Variants in GTF2F2 observed in about 807,000 individuals in gnomAD.
GTF2F2 encodes ATP-dependent helicase GTF2F2.
In GTF2F2, 23 loss-of-function variants were observed where a neutral mutation model predicts 42.2. The observed-to-expected ratio is 0.55, with a 90% CI of 0.39 to 0.77. The LOEUF (loss-of-function observed/expected upper bound fraction) is 0.77, where lower values mean the gene tolerates loss of function less well. GTF2F2 is among the 30% of genes least tolerant of loss of function. GTF2F2 has a pLI of 0.00. For synonymous variants in GTF2F2, 105 were observed against 100.8 expected (o/e 1.04, Z -0.25); for missense variants, 261 against 287.2 (o/e 0.91, Z 0.66).
At chr13:45,224,428 G>A (rs2138208631) in intron 5 of GTF2F2, among the ~76,000 whole-genome samples, 1 of 152,320 alleles carries the variant, frequency 6.6e-6, no homozygotes, top group South Asian at 2.1e-4. Flanking sequence ...TGAGTCAAGT[G>A]GTCAGAGCTG....
intron 4 of GTF2F2, among the ~76,000 whole-genome samples, chr13:45,185,524 C>G (rs1028005218): frequency 6.6e-6 from 1 of 152,192 alleles, no homozygotes; most frequent in African/African-American, 2.4e-5. Flanking sequence ...TTTTATAAAT[C>G]TATCACCCAC....
chr13:45,131,605 G>A (rs988770724), intron 1 of GTF2F2, among the ~76,000 whole-genome samples: 2 of 151,770 alleles, frequency 1.3e-5, no homozygotes, highest in African/African-American at 4.8e-5. Context: ...AAGGAGTTTT[G>A]CCATAAAGAG....
chr13:45,214,279 T>C (rs898049327), intron 5 of GTF2F2, among the ~76,000 whole-genome samples: 1 of 152,206 alleles, frequency 6.6e-6, no homozygotes, highest in Admixed American at 6.5e-5. Context: ...AAATGTAAGT[T>C]AGTAAGATTC....
intron 6 of GTF2F2, among the ~76,000 whole-genome samples, chr13:45,264,808 G>A (rs529297334): frequency 4.6e-5 from 7 of 152,224 alleles, no homozygotes; most frequent in East Asian, 1.9e-4. Flanking sequence ...TAGAATGTGC[G>A]CCCTCTGTAA....
intron 1 of GTF2F2, 67 bp downstream of exon 1, chr13:45,120,788 A>G (rs1020981299): frequency 3.4e-6 from 4 of 1,192,734 alleles, no homozygotes; most frequent in Non-Finnish European, 3.6e-6. Flanking sequence ...ACTTGAGCCT[A>G]TCCCGCTCCG....
Position 45,212,471 on chromosome 13 carries a change from C to CT in GTF2F2, c.386+4969dup, listed in dbSNP as rs374232843. Among the ~76,000 whole-genome samples the CT allele has an allele frequency of 1.5e-3, 116 of 75,060 alleles. 2 individuals carry two copies. The highest frequency in any genetic ancestry group is 6.4e-3 in the Middle Eastern group (1 of 156). The allele number at this position is 75,060 out of a possible 152,430, so 49.2% of individuals were successfully genotyped here. A position where few individuals can be genotyped will look rare whatever the true frequency, so the allele number is the denominator to read the frequency against. On this transcript the variant is annotated intron_variant, in intron 5 of 7. Coordinates refer to ENST00000340473, the MANE Select transcript of GTF2F2 (RefSeq NM_004128.3). ...TGTTTCTTTCTTTCTTTCTTTCTTT[C>CT]TTTCTTTCTTTCTTTCTTTCTTTCT...
chr13:45,145,044 A>G (rs1735459522), intron 2 of GTF2F2, among the ~76,000 whole-genome samples: 1 of 152,226 alleles, frequency 6.6e-6, no homozygotes, highest in African/African-American at 2.4e-5. Context: ...CGATGATGCC[A>G]TTATCTAGAG....
intron 2 of GTF2F2, among the ~76,000 whole-genome samples, chr13:45,146,774 A>G (rs910555301): frequency 6.6e-6 from 1 of 152,258 alleles, no homozygotes; most frequent in Non-Finnish European, 1.5e-5. Context: ...CAGCATTCTG[A>G]GAAATTTAGT....
At chr13:45,269,627 G>A (rs556517572) in intron 7 of GTF2F2, among the ~76,000 whole-genome samples, 171 of 152,324 alleles carry the variant, frequency 1.1e-3, no homozygotes, top group Non-Finnish European at 1.4e-3. Context: ...TCCAGGAAAG[G>A]GGGTGTTCTG....
chr13:45,223,699 G>A (rs1331057708), intron 5 of GTF2F2, among the ~76,000 whole-genome samples: 1 of 152,136 alleles, frequency 6.6e-6, no homozygotes, highest in Non-Finnish European at 1.5e-5. Context: ...GACTTTTCTA[G>A]AAGTAATCCC....
At chr13:45,230,625 C>G (rs1364245366) in intron 5 of GTF2F2, among the ~76,000 whole-genome samples, 1 of 152,110 alleles carries the variant, frequency 6.6e-6, no homozygotes, top group East Asian at 1.9e-4. Context: ...AAAAGTCTAA[C>G]TAAAACTAGT....
chr13:45,167,160 G>C (rs1871331111), intron 4 of GTF2F2, among the ~76,000 whole-genome samples: 2 of 147,776 alleles, frequency 1.4e-5, no homozygotes, highest in Admixed American at 6.8e-5. Context: ...TATACAGACT[G>C]TATCATTAGC....
chr13:45,128,268 G>T (rs1869150871), intron 1 of GTF2F2, among the ~76,000 whole-genome samples: 1 of 147,172 alleles, frequency 6.8e-6, no homozygotes, highest in Non-Finnish European at 1.5e-5. Flanking sequence ...CCTCCCCCCT[G>T]GCCTTTTTAA....
At chr13:45,226,456 T>C (rs185039492) in intron 5 of GTF2F2, among the ~76,000 whole-genome samples, 1 of 152,276 alleles carries the variant, frequency 6.6e-6, no homozygotes, top group Admixed American at 6.5e-5. Flanking sequence ...CATCATAGGG[T>C]CTGTTTCTAA....
At chr13:45,153,394 T>G (rs1870598254) in intron 4 of GTF2F2, among the ~76,000 whole-genome samples, 1 of 152,140 alleles carries the variant, frequency 6.6e-6, no homozygotes, top group African/African-American at 2.4e-5. Context: ...TTTTCTTGGA[T>G]GTACAGTATA....
intron 4 of GTF2F2, among the ~76,000 whole-genome samples, chr13:45,202,302 G>A (rs754696545): frequency 3.3e-5 from 5 of 152,224 alleles, no homozygotes; most frequent in Admixed American, 6.5e-5. Flanking sequence ...CAGGAGAATC[G>A]CTTGAACCCA....
At chr13:45,196,914 A>G (rs988552969) in intron 4 of GTF2F2, among the ~76,000 whole-genome samples, 1 of 151,814 alleles carries the variant, frequency 6.6e-6, no homozygotes, top group Admixed American at 6.6e-5. Flanking sequence ...TTCCTAGCTC[A>G]CTCACTTTTG....
Position 45,270,712 on chromosome 13 carries a change from C to T in GTF2F2, c.630+3336C>T, listed in dbSNP as rs76661672. Among the ~76,000 whole-genome samples, 667 of 152,220 alleles carry T rather than the reference C, an allele frequency of 4.4e-3. 10 individuals carry two copies. The highest frequency in any genetic ancestry group is 0.03 in the Admixed American group (462 of 15,288). ...GGTTTAACTTCTGGATTTTTCCCCC[C>T]TCAAAAATAGAAAATTACAGGAGGC... On this transcript the variant is annotated intron_variant, in intron 7 of 7. Transcript: ENST00000340473.
chr13:45,214,810 A>G (rs1873824593), intron 5 of GTF2F2, among the ~76,000 whole-genome samples: 1 of 152,240 alleles, frequency 6.6e-6, no homozygotes, highest in Middle Eastern at 3.4e-3. Context: ...TTTGTTAAGT[A>G]TAAAGGAACA....
Sources: allele counts gnomAD v4.1 joint callset (sites outside exome capture counted in the v4.1 genomes callset), GRCh38; gene constraint gnomAD v4.1.1; transcripts MANE v1.5; gene names NCBI Gene and HGNC (gene_info 2026-07-23, HGNC 2026-07-21).